The following LYPD6B variants were observed in gnomAD, a reference collection of about 807,000 sequenced individuals.
The protein encoded by LYPD6B is ly6/PLAUR domain-containing protein 6B.
In LYPD6B, 17 loss-of-function variants were observed where a neutral mutation model predicts 22.8. The ratio of observed to expected loss-of-function variants is 0.75; its 90% CI spans 0.51 to 1.12. The LOEUF (loss-of-function observed/expected upper bound fraction) is 1.12. Among genes scored for constraint, LYPD6B ranks in the 50% most tolerant of loss-of-function variants. The pLI is 0.00. For synonymous variants in LYPD6B, 106 were observed against 91.6 expected (o/e 1.16, Z -0.90); for missense variants, 221 against 258.3 (o/e 0.86, Z 0.99).
chr2:149,200,263 G>A (rs1693066550), intron 3 of LYPD6B, among the ~76,000 whole-genome samples: 1 of 152,204 alleles, frequency 6.6e-6, no homozygotes, highest in Non-Finnish European at 1.5e-5. Context: ...AGTTGGCCTT[G>A]TGCTTGCTGA....
intron 3 of LYPD6B, among the ~76,000 whole-genome samples, chr2:149,162,491 C>T (rs775965561): frequency 3.8e-4 from 58 of 152,130 alleles, no homozygotes; most frequent in Non-Finnish European, 7.1e-4. Flanking sequence ...GTGCTTTACT[C>T]GATGTCCACA....
intron 2 of LYPD6B, among the ~76,000 whole-genome samples, chr2:149,133,482 C>G (rs915644384): frequency 3.3e-5 from 5 of 152,168 alleles, no homozygotes; most frequent in Admixed American, 2.6e-4. Flanking sequence ...AAGATCACAA[C>G]TAGGCATTGG....
chr2:149,137,763 A>G (rs898193825), intron 2 of LYPD6B, among the ~76,000 whole-genome samples: 1 of 152,226 alleles, frequency 6.6e-6, no homozygotes, highest in Non-Finnish European at 1.5e-5. Context: ...CTCTATACAT[A>G]TAACTTTGCA....
chr2:149,151,695 T>G (rs1403270222), intron 2 of LYPD6B, among the ~76,000 whole-genome samples: 1 of 152,136 alleles, frequency 6.6e-6, no homozygotes, highest in African/African-American at 2.4e-5. Flanking sequence ...AATGGAGAAG[T>G]GTTGTATTGT....
At chr2:149,055,703 T>C (rs1288877679) in intron 1 of LYPD6B, among the ~76,000 whole-genome samples, 1 of 152,228 alleles carries the variant, frequency 6.6e-6, no homozygotes, top group Non-Finnish European at 1.5e-5. Flanking sequence ...ATACAGTTAA[T>C]TCTTGTGTTT....
intron 3 of LYPD6B, among the ~76,000 whole-genome samples, chr2:149,176,220 G>A (rs563199136): frequency 6.6e-6 from 1 of 152,270 alleles, no homozygotes; most frequent in Admixed American, 6.5e-5. Context: ...CATCTTGTAG[G>A]ACCACTGTTG....
intron 1 of LYPD6B, among the ~76,000 whole-genome samples, chr2:149,042,442 A>G (rs553860687): frequency 6.6e-6 from 1 of 152,312 alleles, no homozygotes; most frequent in Middle Eastern, 3.4e-3. Context: ...TGGCAAAAAG[A>G]CATGATCACT....
At chr2:149,164,862 A>G (rs1447335008) in intron 3 of LYPD6B, among the ~76,000 whole-genome samples, 3 of 152,190 alleles carry the variant, frequency 2.0e-5, no homozygotes, top group Non-Finnish European at 4.4e-5. Context: ...ATAAATCCTC[A>G]TTTGTATCAG....
intron 2 of LYPD6B, among the ~76,000 whole-genome samples, chr2:149,139,664 C>T (rs1194457454): frequency 6.6e-6 from 1 of 152,150 alleles, no homozygotes; most frequent in African/African-American, 2.4e-5. Flanking sequence ...CTTACAGCAA[C>T]ATAACTACTT....
chr2:149,189,755 T>C (rs1437726759), intron 3 of LYPD6B, among the ~76,000 whole-genome samples: 2 of 152,160 alleles, frequency 1.3e-5, no homozygotes, highest in Non-Finnish European at 2.9e-5. Flanking sequence ...AATGTGCTCT[T>C]AGCAGGATCT....
intron 2 of LYPD6B, among the ~76,000 whole-genome samples, chr2:149,143,258 C>T (rs966513509): frequency 6.6e-6 from 1 of 152,064 alleles, no homozygotes; most frequent in African/African-American, 2.4e-5. Context: ...TAAGATGAGA[C>T]CATTAACACA....
intron 1 of LYPD6B, among the ~76,000 whole-genome samples, chr2:149,068,139 C>G (rs1398578838): frequency 6.6e-6 from 1 of 152,110 alleles, no homozygotes; most frequent in Admixed American, 6.5e-5. Context: ...TAATTTTTAA[C>G]CTTTGTAGAA....
At chr2:149,109,403 CTG>C (rs1437664027) in intron 1 of LYPD6B, among the ~76,000 whole-genome samples, 1 of 152,128 alleles carries the variant, frequency 6.6e-6, no homozygotes, top group Non-Finnish European at 1.5e-5. Context: ...CTTTGTTCCT[CTG>C]TGCACAATTT....
chr2:149,129,975 C>T (rs1687926966), intron 1 of LYPD6B, among the ~76,000 whole-genome samples: 1 of 152,218 alleles, frequency 6.6e-6, no homozygotes. Context: ...ATCCCAGGTC[C>T]TCACCTTTCG....
At chr2:149,105,827 C>A (rs936179481) in intron 1 of LYPD6B, among the ~76,000 whole-genome samples, 1 of 152,066 alleles carries the variant, frequency 6.6e-6, no homozygotes, top group African/African-American at 2.4e-5. Context: ...TCCTCCTGTG[C>A]AATACTGAAC....
chr2:149,051,467 C>A (rs1413955669), intron 1 of LYPD6B, among the ~76,000 whole-genome samples: 4 of 152,010 alleles, frequency 2.6e-5, no homozygotes, highest in African/African-American at 9.7e-5. Context: ...GCCCGGCCAA[C>A]AACATTATTT....
intron 1 of LYPD6B, among the ~76,000 whole-genome samples, chr2:149,070,972 A>G (rs1684577436): frequency 1.3e-5 from 2 of 152,320 alleles, no homozygotes; most frequent in South Asian, 4.1e-4. Flanking sequence ...CTGAGATTCC[A>G]TTATCTTTTG....
chr2:149,157,850 G>A (rs866571649), intron 2 of LYPD6B, among the ~76,000 whole-genome samples: 8 of 152,068 alleles, frequency 5.3e-5, no homozygotes, highest in Admixed American at 2.6e-4. Context: ...TTTTACCTGC[G>A]GGGATAGAAA....
chr2:149,163,250 A>G (rs370380492), intron 3 of LYPD6B, among the ~76,000 whole-genome samples: 2 of 152,174 alleles, frequency 1.3e-5, no homozygotes, highest in Non-Finnish European at 2.9e-5. Flanking sequence ...GGTTGAGCTC[A>G]GTGGAGTTAC....
Sources: gnomAD v4.1 joint callset for allele counts (sites outside exome capture counted in the v4.1 genomes callset) on GRCh38, gnomAD v4.1.1 for gene constraint, MANE v1.5 for transcripts, NCBI Gene and HGNC (gene_info 2026-07-23, HGNC 2026-07-21) for gene names.